Variants in CHST3 observed in about 807,000 individuals in gnomAD.
The protein encoded by CHST3 is carbohydrate sulfotransferase 3, also known as C6ST-1.
CHST3 carries 20 observed loss-of-function variants against 35.4 expected under a neutral mutation model. The observed-to-expected ratio is 0.57, with a 90% CI of 0.40 to 0.82. The LOEUF (loss-of-function observed/expected upper bound fraction) is 0.82. Among genes scored for constraint, CHST3 ranks in the 40% least tolerant of loss-of-function variants. CHST3 has a pLI of 0.00. For missense variants in CHST3, 693 were observed against 670.1 expected, an observed-to-expected ratio of 1.03 and a Z score of -0.38; for synonymous variants, 334 against 295.9, an observed-to-expected ratio of 1.13 and a Z score of -1.32.
intron 1 of CHST3, among the ~76,000 whole-genome samples, chr10:71,966,380 C>A (rs1234455397): frequency 6.6e-6 from 1 of 152,046 alleles, no homozygotes; most frequent in East Asian, 1.9e-4. Context: ...GCATGAGTTT[C>A]CCAGAGGAGC....
Position 72,009,393 on chromosome 10 carries a change from C to A in CHST3, c.*922C>A, listed in dbSNP as rs886047164. On this transcript the variant is annotated 3_prime_UTR_variant, in exon 3 of 3. Coordinates refer to ENST00000373115, the MANE Select transcript of CHST3 (RefSeq NM_004273.5). ...CCGCCTTAGATTCTCATGGCTACCT[C>A]CTCTGACCCATCCACATCCTTGCGG... 6.6e-6 allele frequency: 1 copy of A among 152,302 alleles called. No homozygotes were observed. Among genetic ancestry groups the A allele is most frequent in the African/African-American group, 2.4e-5 (1 of 41,460 alleles). The allele number at this position is 152,302 out of a possible 1,614,324, so 9.4% of individuals were successfully genotyped here. A position where few individuals can be genotyped will look rare whatever the true frequency, so the allele number is the denominator to read the frequency against.
At chr10:71,974,298 C>T (rs10823894) in intron 1 of CHST3, among the ~76,000 whole-genome samples, 52,728 of 152,160 alleles carry the variant, frequency 0.35, 10,755 homozygotes, top group Non-Finnish European at 0.47. Flanking sequence ...CCCTACAACC[C>T]GGCAAGGTTG....
At chr10:71,985,528 C>T (rs1839839767) in intron 1 of CHST3, among the ~76,000 whole-genome samples, 1 of 152,202 alleles carries the variant, frequency 6.6e-6, no homozygotes. Flanking sequence ...CAGTTGAGGT[C>T]CAGTTTGAAC....
chr10:71,985,188 C>G (rs1322708002), intron 1 of CHST3, among the ~76,000 whole-genome samples: 1 of 152,256 alleles, frequency 6.6e-6, no homozygotes, highest in African/African-American at 2.4e-5. Context: ...CTTGGCCGAC[C>G]CCCTGACCCG....
intron 1 of CHST3, among the ~76,000 whole-genome samples, chr10:71,994,890 C>A (rs565679110): frequency 2.2e-4 from 33 of 152,302 alleles, no homozygotes; most frequent in African/African-American, 7.7e-4. Flanking sequence ...TTTCCTTAAA[C>A]CTCATGAACC....
At chr10:71,970,245 C>T (rs1839678345) in intron 1 of CHST3, among the ~76,000 whole-genome samples, 1 of 115,316 alleles carries the variant, frequency 8.7e-6, no homozygotes, top group Non-Finnish European at 1.9e-5. Flanking sequence ...TCCTCTTGAT[C>T]CCCCTCACCC....
At position 72,008,796 on chromosome 10, in the gene CHST3, A is replaced by C; in HGVS notation, c.*325A>C. The C allele has an allele frequency of 3.8e-6, 1 of 261,936 alleles. No individual in the cohort carries two copies. Among genetic ancestry groups the C allele is most frequent in the Admixed American group, 4.8e-5 (1 of 20,656 alleles). The allele number at this position is 261,936 out of a possible 1,614,324, so 16.2% of individuals were successfully genotyped here. A position where few individuals can be genotyped will look rare whatever the true frequency, so the allele number is the denominator to read the frequency against. On this transcript the variant is annotated 3_prime_UTR_variant, in exon 3 of 3. Coordinates refer to ENST00000373115, the MANE Select transcript of CHST3 (RefSeq NM_004273.5). ...TTCGTGCCTGGAGACCCTGCAGGCC[A>C]GAGTCCAAATATTTAACAATCAGAA...
In CHST3 at chr10:72,008,758, A is replaced by C; in HGVS notation, c.*287A>C. The C allele has an allele frequency of 2.7e-6, 1 of 373,398 alleles. No individual in the cohort carries two copies. The highest frequency in any genetic ancestry group is 4.8e-6 in the Non-Finnish European group (1 of 210,408). The allele number at this position is 373,398 out of a possible 1,614,324, so 23.1% of individuals were successfully genotyped here. A position where few individuals can be genotyped will look rare whatever the true frequency, so the allele number is the denominator to read the frequency against. ...GTTGGCAAGCTTCGATCTCACACAC[A>C]CAGAAACATACATTCGTGCCTGGAG... On this transcript the variant is annotated 3_prime_UTR_variant, in exon 3 of 3. Coordinates refer to ENST00000373115, the MANE Select transcript of CHST3 (RefSeq NM_004273.5).
At chr10:71,971,500 C>T (rs1839694560) in intron 1 of CHST3, among the ~76,000 whole-genome samples, 2 of 152,184 alleles carry the variant, frequency 1.3e-5, no homozygotes, top group South Asian at 4.1e-4. Flanking sequence ...TGTGCCAGCC[C>T]CAGCCCACAC....
intron 1 of CHST3, among the ~76,000 whole-genome samples, chr10:71,970,580 T>C (rs1024158717): frequency 1.3e-5 from 2 of 152,272 alleles, no homozygotes; most frequent in East Asian, 3.9e-4. Flanking sequence ...GCAGGGACGC[T>C]GGTGGCTGGG....
chr10:72,005,259 TGCATAA>T (rs1041358375), intron 1 of CHST3, among the ~76,000 whole-genome samples: 73 of 152,186 alleles, frequency 4.8e-4, no homozygotes, highest in African/African-American at 1.7e-3. Flanking sequence ...AGCCCCGTCC[TGCATAA>T]GCACAGGGTC....
intron 1 of CHST3, among the ~76,000 whole-genome samples, chr10:71,997,806 T>G (rs1839955173): frequency 6.6e-6 from 1 of 151,924 alleles, no homozygotes; most frequent in Non-Finnish European, 1.5e-5. Flanking sequence ...TAGCTGAGAT[T>G]ACAGGCATGC....
intron 1 of CHST3, among the ~76,000 whole-genome samples, chr10:71,976,073 TTC>T (rs1839742271): frequency 6.6e-6 from 1 of 152,204 alleles, no homozygotes; most frequent in African/African-American, 2.4e-5. Flanking sequence ...CCCTGTTCGA[TTC>T]TCTGTTCGGG....
chr10:71,979,568 A>T (rs911268945), intron 1 of CHST3, among the ~76,000 whole-genome samples: 1 of 151,806 alleles, frequency 6.6e-6, no homozygotes, highest in African/African-American at 2.4e-5. Flanking sequence ...TTTGGGCATC[A>T]CCAGCCCTAG....
chr10:71,982,442 G>C (rs1839809563), intron 1 of CHST3, among the ~76,000 whole-genome samples: 1 of 152,182 alleles, frequency 6.6e-6, no homozygotes, highest in Non-Finnish European at 1.5e-5. Flanking sequence ...CTGACATTCA[G>C]AACTGTACGA....
intron 1 of CHST3, among the ~76,000 whole-genome samples, chr10:72,000,229 A>G (rs761934814): frequency 1.3e-5 from 2 of 152,176 alleles, no homozygotes; most frequent in African/African-American, 2.4e-5. Flanking sequence ...TGATTCGTTC[A>G]TTCATTCATT....
rs1007461568 is a variant in CHST3, at chr10:72,008,678, C to T, written c.*207C>T. On this transcript the variant is annotated 3_prime_UTR_variant, in exon 3 of 3. Transcript: ENST00000373115. ...TGCCCGGTCCCCTTGAGGGCCATCA[C>T]ACCCAGACCCAACGGGTTGCAGCCT... 1.0e-5 allele frequency: 11 copies of T among 1,080,518 alleles called. No individual in the cohort carries two copies. The African/African-American group carries it at 1.6e-4, about 16-fold the overall frequency. 66.9% of individuals were successfully genotyped at this position (1,080,518 alleles called of 1,614,324 possible). A position where few individuals can be genotyped will look rare whatever the true frequency, so the allele number is the denominator to read the frequency against.
At chr10:71,987,733 A>AAAG (rs3062561) in intron 1 of CHST3, among the ~76,000 whole-genome samples, 1 of 150,308 alleles carries the variant, frequency 6.7e-6, no homozygotes, top group Non-Finnish European at 1.5e-5. Context: ...AAAAAAAAAA[A>AAAG]GACAGAGGAA....
intron 1 of CHST3, among the ~76,000 whole-genome samples, chr10:71,980,722 GT>G (rs976891148): frequency 6.6e-6 from 1 of 152,210 alleles, no homozygotes; most frequent in Non-Finnish European, 1.5e-5. Context: ...CTCCTGGGGT[GT>G]TTTTAAGGCA....
Sources: gnomAD v4.1 joint callset for allele counts (sites outside exome capture counted in the v4.1 genomes callset) on GRCh38, gnomAD v4.1.1 for gene constraint, MANE v1.5 for transcripts, NCBI Gene and HGNC (gene_info 2026-07-23, HGNC 2026-07-21) for gene names.